GRHL3: variants seen among roughly 807,000 people sequenced by gnomAD.
The protein encoded by GRHL3 is grainyhead like transcription factor 3, also known as grainyhead-like protein 3 homolog.
A neutral mutation model predicts 70.3 loss-of-function variants in GRHL3; 20 were observed. The ratio of observed to expected loss-of-function variants is 0.28; its 90% CI spans 0.20 to 0.41. The LOEUF (loss-of-function observed/expected upper bound fraction) is 0.41. GRHL3 is among the 10% of genes least tolerant of loss of function. The pLI, the probability that GRHL3 is intolerant of heterozygous loss-of-function variation, is 1.00. For missense variants in GRHL3, 637 were observed against 762.3 expected (o/e 0.84, Z 1.94); for synonymous variants, 299 against 299.9 (o/e 1.00, Z 0.03).
chr1:24,347,704 C>T (rs1223940600), intron 14 of GRHL3, 151 bp downstream of exon 14: 10 of 642,016 alleles, frequency 1.6e-5, no homozygotes, highest in South Asian at 3.7e-5. Context: ...CCTGAGGGGC[C>T]CTGCCGGTGG....
intron 1 of GRHL3, among the ~76,000 whole-genome samples, 191 bp from the exon 2 acceptor site, chr1:24,331,235 A>G (rs1639592207): frequency 6.6e-6 from 1 of 152,226 alleles, no homozygotes; most frequent in Non-Finnish European, 1.5e-5. Context: ...CTACATGGCA[A>G]CATTTGGAAT....
downstream of GRHL3, among the ~76,000 whole-genome samples, chr1:24,355,653 A>G (rs1293615579): frequency 1.3e-5 from 2 of 152,344 alleles, no homozygotes; most frequent in African/African-American, 4.8e-5. Context: ...TGGGAGCCAC[A>G]TGACCTGAGT....
Position 24,322,238 on chromosome 1 carries a change from C to A in GRHL3, c.17+2670C>A, listed in dbSNP as rs982028880. Among the ~76,000 whole-genome samples the A allele has an allele frequency of 6.6e-6, 1 of 152,182 alleles. No homozygotes were observed. Among genetic ancestry groups the A allele is most frequent in the African/African-American group, 2.4e-5 (1 of 41,456 alleles). On this transcript the variant is annotated intron_variant, in intron 1 of 15. Coordinates refer to ENST00000361548, the MANE Select transcript of GRHL3 (RefSeq NM_198173.3). The surrounding 1 kb of genome is among the most constrained non-coding windows in gnomAD (Gnocchi z 4.4). ...TCGCTCCCTGCTCTCTGGGCCCCAC[C>A]GCTGCCGCCTGGAGTCTCCCCTCAG...
chr1:24,360,814 AT>A (rs748302130), intron 15 of GRHL3: 1 of 1,546,474 alleles, frequency 6.5e-7, no homozygotes, highest in South Asian at 1.2e-5. Flanking sequence ...GTTCCAGAAG[AT>A]TTGGTTTTTA....
At chr1:24,347,131 T>C (rs1640318713) in intron 13 of GRHL3, among the ~76,000 whole-genome samples, 1 of 152,202 alleles carries the variant, frequency 6.6e-6, no homozygotes, top group African/African-American at 2.4e-5. Context: ...TGGCACCTCG[T>C]GTTTCCAGAC....
downstream of GRHL3, among the ~76,000 whole-genome samples, chr1:24,360,041 T>C (rs1025841887): frequency 3.3e-5 from 5 of 152,240 alleles, no homozygotes; most frequent in Non-Finnish European, 7.3e-5. Context: ...CACCTGGCAC[T>C]GCCCGCCACG....
intron 5 of GRHL3, 96 bp from the exon 6 acceptor site, chr1:24,337,540 G>A (rs1378552665): frequency 1.8e-5 from 24 of 1,308,042 alleles, no homozygotes; most frequent in Non-Finnish European, 2.6e-5. Context: ...CAAACAGCAA[G>A]TCTGTAACAT....
At chr1:24,330,123 AGT>A (rs1639546630) in intron 1 of GRHL3, among the ~76,000 whole-genome samples, 1 of 152,252 alleles carries the variant, frequency 6.6e-6, no homozygotes. Context: ...TATAGAGTAC[AGT>A]GTGAGATTTC....
downstream of GRHL3, chr1:24,358,725 G>T: frequency 1.3e-6 from 1 of 780,572 alleles, no homozygotes; most frequent in Non-Finnish European, 2.1e-6. Flanking sequence ...CCCTGTGCCA[G>T]CCCCTGTATC....
Position 24,336,492 on chromosome 1 carries a change from G to T in GRHL3, c.277G>T (p.Gly93Cys), listed in dbSNP as rs372619643. Reference protein sequence around the residue: ...RNDQGKRYYHGMEYETDLTPL... With the variant: ...RNDQGKRYYHCMEYETDLTPL... Reference sequence around the variant, plus strand: ...TTTCTTTCTCCCCAGGTACTACCATGGCATGGAATATGAGACGGACCTCAC... The same window carrying T: ...TTTCTTTCTCCCCAGGTACTACCATTGCATGGAATATGAGACGGACCTCAC... Residue 93 changes from glycine to cysteine, a missense_variant, in exon 4 of 16, where the codon GGC (glycine) becomes TGC (cysteine). This residue lies in a region of GRHL3 where 250 missense variants were observed against 248.6 expected (regional missense o/e 1.01). Coordinates refer to ENST00000361548, the MANE Select transcript of GRHL3 (RefSeq NM_198173.3). 2 of 1,577,104 alleles carry T rather than the reference G, an allele frequency of 1.3e-6. No individual in the cohort carries two copies. Among genetic ancestry groups the T allele is most frequent in the Admixed American group, 1.8e-5 (1 of 56,510 alleles).
chr1:24,326,478 A>G (rs568436658), intron 1 of GRHL3, among the ~76,000 whole-genome samples: 40 of 150,690 alleles, frequency 2.7e-4, no homozygotes, highest in African/African-American at 9.0e-4. Flanking sequence ...GGCAGGTCAG[A>G]AGTCCTCTTG....
Position 24,342,660 on chromosome 1 carries a change from G to A in GRHL3, c.1207-34G>A. 4 of 1,593,296 alleles carry A rather than the reference G, an allele frequency of 2.5e-6. No individual in the cohort carries two copies. Among genetic ancestry groups the A allele is most frequent in the Non-Finnish European group, 3.4e-6 (4 of 1,160,982 alleles). ...TGTGAAAGTAGCTAGCCCCTCCCAGGCCCTTGGTGACCCTCTCTCCTTCTC... is the reference window on the plus strand; with the variant it reads ...TGTGAAAGTAGCTAGCCCCTCCCAGACCCTTGGTGACCCTCTCTCCTTCTC... On this transcript the variant is annotated intron_variant, in intron 9 of 15. Coordinates refer to ENST00000361548, the MANE Select transcript of GRHL3 (RefSeq NM_198173.3). This position sits in a 1 kb window ranked among gnomAD's most constrained non-coding sequence, Gnocchi z 4.8.
At chr1:24,323,197 T>A in intron 1 of GRHL3, 2 of 867,708 alleles carry the variant, frequency 2.3e-6, no homozygotes, top group Non-Finnish European at 3.8e-6. Context: ...AGAGAGGGAG[T>A]CATTATTTTG....
At chr1:24,331,980 C>T (rs574680039) in intron 2 of GRHL3, among the ~76,000 whole-genome samples, 53 of 152,302 alleles carry the variant, frequency 3.5e-4, no homozygotes, top group African/African-American at 1.3e-3. Flanking sequence ...GAGTCTTCAG[C>T]ACACCATACA....
rs934742398 is a variant in GRHL3 at position 24,322,344 on chromosome 1, C to T, written c.17+2776C>T. 2.0e-5 allele frequency among the ~76,000 whole-genome samples: 3 copies of T among 152,288 alleles called. No homozygotes were observed. Among genetic ancestry groups the T allele is most frequent in the South Asian group, 4.1e-4 (2 of 4,822 alleles). On this transcript the variant is annotated intron_variant, in intron 1 of 15. Transcript: ENST00000361548. This position sits in a 1 kb window ranked among gnomAD's most constrained non-coding sequence, Gnocchi z 4.4. ...ACCGCGGCCGCCGCCGCCGTTCTATCTGATCTCCAGGAGCGCCGGCTCCAG... is the reference window on the plus strand; with the variant it reads ...ACCGCGGCCGCCGCCGCCGTTCTATTTGATCTCCAGGAGCGCCGGCTCCAG...
chr1:24,353,891 G>A (rs1640613480), intron 15 of GRHL3, among the ~76,000 whole-genome samples: 1 of 152,176 alleles, frequency 6.6e-6, no homozygotes. Flanking sequence ...AGCTTCCTGG[G>A]AATGGAACTG....
chr1:24,360,254 A>G (rs1172464478), downstream of GRHL3, among the ~76,000 whole-genome samples: 4 of 152,166 alleles, frequency 2.6e-5, no homozygotes, highest in Admixed American at 2.6e-4. Context: ...AGACCAGCCT[A>G]GCCAACATAG....
At chr1:24,360,836 A>G in intron 15 of GRHL3, 2 of 1,595,044 alleles carry the variant, frequency 1.3e-6, no homozygotes, top group Non-Finnish European at 1.7e-6. Context: ...CAATCATTTA[A>G]AACAATCCTC....
chr1:24,354,538 C>A lies in GRHL3; in HGVS notation c.*50C>A. On this transcript the variant is annotated 3_prime_UTR_variant, in exon 16 of 16. Coordinates refer to ENST00000361548, the MANE Select transcript of GRHL3 (RefSeq NM_198173.3). ...ACGACCTGCAAGGGGCCAGCAGGGA[C>A]GTGGCCCCACGCCACACACAACCTC... is the stretch of plus-strand genomic sequence containing the variant. The A allele has an allele frequency of 8.7e-7, 1 of 1,147,152 alleles. No individual in the cohort carries two copies. The highest frequency in any genetic ancestry group is 1.3e-6 in the Non-Finnish European group (1 of 757,350). 71.1% of individuals were successfully genotyped at this position (1,147,152 alleles called of 1,614,324 possible).
Sources: gnomAD v4.1 joint callset for allele counts (sites outside exome capture counted in the v4.1 genomes callset) on GRCh38, gnomAD v4.1.1 for gene constraint, gnomAD v4.1.1 regional missense constraint, Gnocchi (gnomAD v3.1) non-coding constraint, MANE v1.5 for transcripts, NCBI Gene and HGNC (gene_info 2026-07-23, HGNC 2026-07-21) for gene names.